Variants in DLG2 observed in about 807,000 individuals in gnomAD.
DLG2 encodes discs large MAGUK scaffold protein 2, also known as disks large homolog 2.
DLG2 carries 45 observed loss-of-function variants against 132.5 expected under a neutral mutation model. The ratio of observed to expected loss-of-function variants is 0.34; its 90% CI spans 0.27 to 0.44. The LOEUF (loss-of-function observed/expected upper bound fraction) is 0.44. Ranked by LOEUF, DLG2 falls within the 20% of genes least tolerant of loss-of-function variation. The pLI is 1.00. For missense variants in DLG2, 1,045 were observed against 1,196.9 expected (o/e 0.87, Z 1.87); for synonymous variants, 424 against 419.6 (o/e 1.01, Z -0.13).
chr11:83,992,035 G>A (rs1305873356), intron 11 of DLG2, among the ~76,000 whole-genome samples: 2 of 152,154 alleles, frequency 1.3e-5, no homozygotes, highest in Non-Finnish European at 2.9e-5. Flanking sequence ...TGATAAATCT[G>A]TAAGCCAAGG....
At chr11:83,484,257 AACAGGGGACGTCTAATTGTTGTC>A in intron 21 of DLG2, 29 bp from the exon 22 acceptor site, 1 of 1,512,150 alleles carries the variant, frequency 6.6e-7, no homozygotes, top group Non-Finnish European at 9.2e-7. Flanking sequence ...ATGGGGCAAA[AACAGGGGACGTCTAATTGTTGTC>A]ACACTCATGC....
chr11:84,078,366 AT>A (rs1267958436), intron 10 of DLG2, among the ~76,000 whole-genome samples: 1 of 152,132 alleles, frequency 6.6e-6, no homozygotes, highest in Non-Finnish European at 1.5e-5. Flanking sequence ...TTGCTTTTCA[AT>A]TTTATTAAAA....
intron 11 of DLG2, among the ~76,000 whole-genome samples, chr11:84,049,532 C>T (rs938656314): frequency 6.6e-6 from 1 of 151,744 alleles, no homozygotes; most frequent in African/African-American, 2.4e-5. Context: ...ATCTACCTTG[C>T]ACTCCCCACT....
chr11:83,596,647 T>C (rs1050189469), intron 19 of DLG2, among the ~76,000 whole-genome samples: 2 of 152,198 alleles, frequency 1.3e-5, no homozygotes, highest in Non-Finnish European at 2.9e-5. Flanking sequence ...CAAGTTACTT[T>C]ACATGATATT....
At chr11:85,534,451 G>T (rs1160156295) in intron 3 of DLG2, among the ~76,000 whole-genome samples, 1 of 151,932 alleles carries the variant, frequency 6.6e-6, no homozygotes, top group African/African-American at 2.4e-5. Context: ...CCCATACAGT[G>T]AACAAAGTAC....
chr11:83,573,077 C>T (rs926985813), intron 19 of DLG2, among the ~76,000 whole-genome samples: 3 of 151,964 alleles, frequency 2.0e-5, no homozygotes, highest in Admixed American at 6.6e-5. Context: ...CTTTTTTCCC[C>T]AACTAATTGA....
At chr11:84,056,009 A>C (rs2096491678) in intron 11 of DLG2, among the ~76,000 whole-genome samples, 1 of 152,106 alleles carries the variant, frequency 6.6e-6, no homozygotes, top group Admixed American at 6.6e-5. Flanking sequence ...TTTGATGCTT[A>C]CTATATTGTA....
At chr11:85,071,795 A>G (rs1270730582) in intron 6 of DLG2, among the ~76,000 whole-genome samples, 1 of 151,858 alleles carries the variant, frequency 6.6e-6, no homozygotes, top group East Asian at 1.9e-4. Context: ...ATTAGAATAA[A>G]CTGGACCAAG....
chr11:84,913,146 C>A (rs999083418), intron 6 of DLG2, among the ~76,000 whole-genome samples: 7 of 152,174 alleles, frequency 4.6e-5, no homozygotes, highest in African/African-American at 1.7e-4. Context: ...TGTTTTCAAT[C>A]TAAGTGCCTG....
chr11:84,138,970 A>T (rs2094720857), intron 9 of DLG2, among the ~76,000 whole-genome samples: 1 of 141,442 alleles, frequency 7.1e-6, no homozygotes, highest in East Asian at 2.1e-4. Flanking sequence ...AAAAAAAAAA[A>T]TTCACTTTAA....
chr11:85,533,653 G>T (rs976024012), intron 3 of DLG2, among the ~76,000 whole-genome samples: 5 of 151,998 alleles, frequency 3.3e-5, no homozygotes, highest in African/African-American at 9.7e-5. Flanking sequence ...TATAGATATA[G>T]ATAGATATAC....
At chr11:84,724,237 T>C (rs984726575) in intron 6 of DLG2, among the ~76,000 whole-genome samples, 2 of 152,178 alleles carry the variant, frequency 1.3e-5, no homozygotes, top group African/African-American at 2.4e-5. Flanking sequence ...ATTTCTAAGT[T>C]TGCTTCCAAT....
At chr11:85,544,031 T>C (rs530488015) in intron 3 of DLG2, among the ~76,000 whole-genome samples, 2 of 152,340 alleles carry the variant, frequency 1.3e-5, no homozygotes, top group East Asian at 3.9e-4. Context: ...TAGTTGCCGC[T>C]GCTTTTGGTG....
Position 83,945,806 on chromosome 11 carries a change from C to CTGTGTGTGTGTGTG in DLG2, c.1341-15337_1341-15324dup, listed in dbSNP as rs56913664. 1.1e-3 allele frequency among the ~76,000 whole-genome samples: 147 copies of CTGTGTGTGTGTGTG among 136,370 alleles called. 1 individual carries two copies. Among genetic ancestry groups the CTGTGTGTGTGTGTG allele is most frequent in the African/African-American group, 3.5e-3 (129 of 36,704 alleles). The allele number at this position is 136,370 out of a possible 152,430, so 89.5% of individuals were successfully genotyped here. A position where few individuals can be genotyped will look rare whatever the true frequency, so the allele number is the denominator to read the frequency against. On this transcript the variant is annotated intron_variant, in intron 14 of 27. Coordinates refer to ENST00000376104, the MANE Select transcript of DLG2 (RefSeq NM_001142699.3). ...AATTTATCCTATGAGAGAAATGCCT[C>CTGTGTGTGTGTGTG]TGTGTGTGTGTGTGTGTGTGTGTGT...
chr11:84,294,082 C>A (rs1156419375), intron 7 of DLG2, among the ~76,000 whole-genome samples: 1 of 152,148 alleles, frequency 6.6e-6, no homozygotes, highest in Admixed American at 6.5e-5. Flanking sequence ...CACCTTGTAA[C>A]ACTGTAACAC....
At chr11:84,881,847 T>A (rs2087396998) in intron 6 of DLG2, among the ~76,000 whole-genome samples, 1 of 152,128 alleles carries the variant, frequency 6.6e-6, no homozygotes, top group South Asian at 2.1e-4. Context: ...CCTACACCTC[T>A]TATAACTTTT....
chr11:85,270,828 T>G (rs779273473), intron 4 of DLG2, among the ~76,000 whole-genome samples: 25 of 152,284 alleles, frequency 1.6e-4, no homozygotes, highest in South Asian at 1.5e-3. Context: ...TCTGGCAGAA[T>G]AAATTTCTAA....
intron 4 of DLG2, among the ~76,000 whole-genome samples, chr11:85,175,417 C>T (rs62519445): frequency 7.2e-5 from 11 of 152,124 alleles, no homozygotes; most frequent in Admixed American, 2.6e-4. Flanking sequence ...ATTCAACATC[C>T]TTTTATGTTA....
intron 3 of DLG2, among the ~76,000 whole-genome samples, chr11:85,527,466 G>A (rs995357407): frequency 6.6e-6 from 1 of 152,046 alleles, no homozygotes; most frequent in Admixed American, 6.6e-5. Context: ...CTGTTCCTGT[G>A]TTAGTTTGCT....
Sources: gnomAD v4.1 joint callset for allele counts (sites outside exome capture counted in the v4.1 genomes callset) on GRCh38, gnomAD v4.1.1 for gene constraint, MANE v1.5 for transcripts, NCBI Gene and HGNC (gene_info 2026-07-23, HGNC 2026-07-21) for gene names.